The following METAP1 variants were observed in gnomAD, a reference collection of about 807,000 sequenced individuals.
METAP1 encodes methionyl aminopeptidase 1.
METAP1 carries 28 observed loss-of-function variants against 53.8 expected under a neutral mutation model. The ratio of observed to expected loss-of-function variants is 0.52; its 90% CI spans 0.39 to 0.71. METAP1 has a LOEUF of 0.71. METAP1 is among the 30% of genes least tolerant of loss of function. The pLI is 0.00. For synonymous variants in METAP1, 181 were observed against 165.7 expected (o/e 1.09, Z -0.71); for missense variants, 389 against 479.8 (o/e 0.81, Z 1.77).
At chr4:99,017,979 C>G (rs1723875249) in intron 1 of METAP1, among the ~76,000 whole-genome samples, 1 of 152,262 alleles carries the variant, frequency 6.6e-6, no homozygotes, top group African/African-American at 2.4e-5. Context: ...AGGGCTAAAA[C>G]AGGGGCAGAT....
intron 10 of METAP1, 69 bp from the exon 11 acceptor site, chr4:99,061,085 T>C: frequency 6.6e-7 from 1 of 1,515,750 alleles, no homozygotes; most frequent in Non-Finnish European, 8.9e-7. Context: ...ATTTTTTCCT[T>C]GGCTTTCTTC....
intron 1 of METAP1, chr4:99,022,807 C>T (rs1481197591): frequency 2.5e-6 from 4 of 1,594,450 alleles, no homozygotes; most frequent in Non-Finnish European, 3.4e-6. Context: ...GGAACTCCAC[C>T]CATCCCTCTG....
intron 1 of METAP1, among the ~76,000 whole-genome samples, chr4:99,011,305 G>A (rs1222338305): frequency 1.3e-5 from 2 of 152,088 alleles, no homozygotes; most frequent in Admixed American, 1.3e-4. Flanking sequence ...TCTTATATAT[G>A]AGCTTTGTTA....
At chr4:99,044,844 G>C (rs763931049) in intron 7 of METAP1, among the ~76,000 whole-genome samples, 1 of 152,164 alleles carries the variant, frequency 6.6e-6, no homozygotes, top group African/African-American at 2.4e-5. Context: ...ATGTAGCAAA[G>C]TTTTCAATTT....
intron 5 of METAP1, among the ~76,000 whole-genome samples, 169 bp from the exon 6 acceptor site, chr4:99,040,874 A>T (rs1459102174): frequency 6.6e-6 from 1 of 151,226 alleles, no homozygotes; most frequent in Non-Finnish European, 1.5e-5. Flanking sequence ...ATATAAAATT[A>T]ATGTTTGTTT....
chr4:99,016,313 C>T (rs1443929217), intron 1 of METAP1, among the ~76,000 whole-genome samples: 2 of 152,130 alleles, frequency 1.3e-5, no homozygotes, highest in Non-Finnish European at 2.9e-5. Context: ...TGTCCTGATT[C>T]TGAATAAAGC....
intron 1 of METAP1, among the ~76,000 whole-genome samples, chr4:99,006,856 A>G (rs751181332): frequency 2.0e-5 from 3 of 151,926 alleles, no homozygotes; most frequent in Non-Finnish European, 4.4e-5. Context: ...AATGTTACAC[A>G]TTTTTGATTA....
At chr4:99,012,132 C>T (rs1410129201) in intron 1 of METAP1, among the ~76,000 whole-genome samples, 2 of 152,066 alleles carry the variant, frequency 1.3e-5, no homozygotes, top group Non-Finnish European at 2.9e-5. Flanking sequence ...CATTCCTGGC[C>T]TCAGGCAGTC....
At chr4:99,000,033 C>A (rs1722846922) in intron 1 of METAP1, among the ~76,000 whole-genome samples, 1 of 152,246 alleles carries the variant, frequency 6.6e-6, no homozygotes, top group African/African-American at 2.4e-5. Context: ...AAGTGCCTTG[C>A]CCACAGTAGG....
chr4:99,015,665 ATGGG>A (rs1723719013), intron 1 of METAP1, among the ~76,000 whole-genome samples: 1 of 152,158 alleles, frequency 6.6e-6, no homozygotes, highest in Non-Finnish European at 1.5e-5. Flanking sequence ...GATCGCATCT[ATGGG>A]AGTGAGAGAC....
chr4:98,997,913 C>G (rs1012294079), intron 1 of METAP1, among the ~76,000 whole-genome samples: 5 of 152,208 alleles, frequency 3.3e-5, no homozygotes, highest in Non-Finnish European at 5.9e-5. Context: ...GTCATACTCT[C>G]TTAATTTATT....
At chr4:99,037,599 T>C (rs1216422898) in intron 4 of METAP1, among the ~76,000 whole-genome samples, 1 of 151,994 alleles carries the variant, frequency 6.6e-6, no homozygotes, top group African/African-American at 2.4e-5. Flanking sequence ...GTGCAACCTA[T>C]ATTGTTGTAT....
At chr4:99,009,589 A>G (rs58521602) in intron 1 of METAP1, among the ~76,000 whole-genome samples, 8,856 of 152,152 alleles carry the variant, frequency 0.058, 885 homozygotes, top group African/African-American at 0.2. Flanking sequence ...GATACTTCAT[A>G]GAGATTTTGA....
chr4:98,999,279 C>T (rs1250901963), intron 1 of METAP1, among the ~76,000 whole-genome samples: 1 of 152,040 alleles, frequency 6.6e-6, no homozygotes, highest in Non-Finnish European at 1.5e-5. Context: ...GTTTGAATCA[C>T]AGCTCCATCA....
chr4:99,002,566 C>T (rs1224692473), intron 1 of METAP1, among the ~76,000 whole-genome samples: 2 of 152,086 alleles, frequency 1.3e-5, no homozygotes, highest in Non-Finnish European at 2.9e-5. Flanking sequence ...ACTCTGTAAA[C>T]GAGGCCTGCC....
chr4:99,062,213 T>C lies in METAP1; in HGVS notation c.*896T>C, dbSNP rs1277081229. 6.6e-6 allele frequency: 1 copy of C among 152,220 alleles called. No homozygotes were observed. Among genetic ancestry groups the C allele is most frequent in the Non-Finnish European group, 1.5e-5 (1 of 68,048 alleles). The allele number at this position is 152,220 out of a possible 1,614,324, so 9.4% of individuals were successfully genotyped here. ...TCAGAGAAGCGTGAAGTTTGCACTA[T>C]GGTGGAGGATGGGGAAAGAGTTCTA... On this transcript the variant is annotated 3_prime_UTR_variant, in exon 11 of 11. Transcript: ENST00000296411.
At chr4:99,020,375 C>T (rs559114942) in intron 1 of METAP1, among the ~76,000 whole-genome samples, 73 of 152,282 alleles carry the variant, frequency 4.8e-4, no homozygotes, top group South Asian at 6.2e-4. Context: ...GAGAAGCCAG[C>T]TCTTCGGAAG....
At chr4:99,013,834 G>A (rs534211816) in intron 1 of METAP1, among the ~76,000 whole-genome samples, 1 of 152,266 alleles carries the variant, frequency 6.6e-6, no homozygotes, top group African/African-American at 2.4e-5. Context: ...GAGCAGCCTT[G>A]GAATACACAC....
intron 1 of METAP1, among the ~76,000 whole-genome samples, chr4:99,000,995 G>A (rs1471380443): frequency 6.6e-6 from 1 of 152,156 alleles, no homozygotes; most frequent in East Asian, 1.9e-4. Context: ...ACTGCACCTG[G>A]CTGGAAGAAA....
Sources: allele counts gnomAD v4.1 joint callset (sites outside exome capture counted in the v4.1 genomes callset), GRCh38; gene constraint gnomAD v4.1.1; transcripts MANE v1.5; gene names NCBI Gene and HGNC (gene_info 2026-07-23, HGNC 2026-07-21).